The following DNM1 variants were observed in gnomAD, a reference collection of about 807,000 sequenced individuals.
DNM1 encodes the protein dynamin 1.
A neutral mutation model predicts 104.6 loss-of-function variants in DNM1; 29 were observed. The observed-to-expected ratio is 0.28, with a 90% CI of 0.21 to 0.38. The LOEUF (loss-of-function observed/expected upper bound fraction) is 0.38. DNM1 is among the 10% of genes least tolerant of loss of function. The pLI, the probability that DNM1 is intolerant of heterozygous loss-of-function variation, is 1.00. For missense variants in DNM1, 640 were observed against 1,189.4 expected (o/e 0.54, Z 6.79); for synonymous variants, 445 against 475.8 (o/e 0.94, Z 0.84).
rs193247285 is a variant in DNM1 at position 128,222,637 on chromosome 9, C to A, written c.1128+41C>A. 6.2e-7 allele frequency: 1 copy of A among 1,611,218 alleles called. No homozygotes were observed. Among genetic ancestry groups the A allele is most frequent in the Non-Finnish European group, 8.5e-7 (1 of 1,177,950 alleles). ...CTGGGGACAGGATGGCTCAGGACTC[C>A]CCCCACCCTCACTCAGGACTCTCTC... is the stretch of plus-strand genomic sequence containing the variant. On this transcript the variant is annotated intron_variant, in intron 8 of 21. Transcript: ENST00000372923. This position sits in a 1 kb window ranked among gnomAD's most constrained non-coding sequence, Gnocchi z 7.8.
In DNM1 at chr9:128,222,623, A is replaced by G; in HGVS notation, c.1128+27A>G. The G allele has an allele frequency of 6.2e-7, 1 of 1,613,392 alleles. No individual in the cohort carries two copies. The highest frequency in any genetic ancestry group is 8.5e-7 in the Non-Finnish European group (1 of 1,179,620). ...TAGGTCAGGCAGCCCTGGGGACAGG[A>G]TGGCTCAGGACTCCCCCCACCCTCA... On this transcript the variant is annotated intron_variant, in intron 8 of 21. Transcript: ENST00000372923. The surrounding 1 kb of genome is among the most constrained non-coding windows in gnomAD (Gnocchi z 7.8).
intron 1 of DNM1, among the ~76,000 whole-genome samples, chr9:128,211,214 G>A (rs950815715): frequency 1.3e-5 from 2 of 151,896 alleles, no homozygotes; most frequent in African/African-American, 4.8e-5. Flanking sequence ...TCCATTCCCC[G>A]CCCGACAGCA....
intron 15 of DNM1, chr9:128,244,690 G>C (rs1322650908): frequency 3.9e-6 from 2 of 516,948 alleles, no homozygotes; most frequent in South Asian, 2.9e-5. Flanking sequence ...TGGCAGGCAG[G>C]GGTCGGTCCA....
chr9:128,209,369 C>A (rs1443685555), intron 1 of DNM1, among the ~76,000 whole-genome samples: 1 of 152,018 alleles, frequency 6.6e-6, no homozygotes, highest in Non-Finnish European at 1.5e-5. Flanking sequence ...GAGGGTCGGA[C>A]CCAGGGAAGG....
In DNM1 at chr9:128,203,394, C is replaced by T; in HGVS notation, c.-77C>T. 2.3e-6 allele frequency: 3 copies of T among 1,306,594 alleles called. No individual in the cohort carries two copies. The highest frequency in any genetic ancestry group is 2.9e-6 in the Non-Finnish European group (3 of 1,024,388). 80.9% of individuals were successfully genotyped at this position (1,306,594 alleles called of 1,614,324 possible). On this transcript the variant is annotated 5_prime_UTR_variant, in exon 1 of 22. Coordinates refer to ENST00000372923, the MANE Select transcript of DNM1 (RefSeq NM_004408.4). This position sits in a 1 kb window ranked among gnomAD's most constrained non-coding sequence, Gnocchi z 5.3. ...CGGCGCAGGCAGTCTGGGCGCGCGG[C>T]TGCAGCGGCGGAGCCGGAGTCGGAG...
rs1024628983 is a variant in DNM1 at position 128,247,721 on chromosome 9, C to T, written c.1894-203C>T. Among the ~76,000 whole-genome samples, 2 of 152,208 alleles carry T rather than the reference C, an allele frequency of 1.3e-5. No individual in the cohort carries two copies. The highest frequency in any genetic ancestry group is 4.8e-5 in the African/African-American group (2 of 41,444). ...TCTCTGTTGCAGATGGCATTTCCTC[C>T]ATCCCCTTTCTATGATGGTAGTTTC... On this transcript the variant is annotated intron_variant, in intron 17 of 21. Coordinates refer to ENST00000372923, the MANE Select transcript of DNM1 (RefSeq NM_004408.4). The surrounding 1 kb of genome is among the most constrained non-coding windows in gnomAD (Gnocchi z 5.1).
chr9:128,233,928 C>A, intron 10 of DNM1, 93 bp from the exon 11 acceptor site: 1 of 1,163,008 alleles, frequency 8.6e-7, no homozygotes, highest in Admixed American at 2.0e-5. Context: ...TGCCTCCCAC[C>A]CTGCGCCGCG....
rs1829705427 is a variant in DNM1, at chr9:128,254,144, C to A, written c.2535-510C>A. Reference sequence around the variant, plus strand: ...TCCCCCAGGGTCCCTTCAGAGGGTCCTGGGTTTTCTGAACACCCAGAGGGG... The same window carrying A: ...TCCCCCAGGGTCCCTTCAGAGGGTCATGGGTTTTCTGAACACCCAGAGGGG... On this transcript the variant is annotated intron_variant, in intron 21 of 21. Coordinates refer to ENST00000372923, the MANE Select transcript of DNM1 (RefSeq NM_004408.4). This position sits in a 1 kb window ranked among gnomAD's most constrained non-coding sequence, Gnocchi z 6.1. The A allele has an allele frequency of 1.5e-6, 2 of 1,297,588 alleles. No individual in the cohort carries two copies. Among genetic ancestry groups the A allele is most frequent in the African/African-American group, 3.1e-5 (2 of 64,754 alleles). 80.4% of individuals were successfully genotyped at this position (1,297,588 alleles called of 1,614,324 possible).
At chr9:128,236,398 T>G (rs142466453) in intron 11 of DNM1, among the ~76,000 whole-genome samples, 2 of 152,344 alleles carry the variant, frequency 1.3e-5, no homozygotes, top group Non-Finnish European at 2.9e-5. Flanking sequence ...TTTTTGTTGT[T>G]GATGTCATAT....
intron 4 of DNM1, among the ~76,000 whole-genome samples, chr9:128,219,782 C>T (rs1389624589): frequency 6.6e-6 from 1 of 152,076 alleles, no homozygotes; most frequent in Admixed American, 6.6e-5. Context: ...GGCAACAAAG[C>T]GAGATCCCAT....
At chr9:128,239,345 C>T in intron 11 of DNM1, 100 bp from the exon 12 acceptor site, 1 of 835,902 alleles carries the variant, frequency 1.2e-6, no homozygotes, top group African/African-American at 1.7e-5. Context: ...GGATACTAAC[C>T]TCCTATATGT....
At chr9:128,237,636 C>T (rs1203850167) in intron 11 of DNM1, among the ~76,000 whole-genome samples, 1 of 152,170 alleles carries the variant, frequency 6.6e-6, no homozygotes, top group Non-Finnish European at 1.5e-5. Flanking sequence ...CTATTTCACC[C>T]TCAGATGGCC....
chr9:128,243,410 G>A lies in DNM1; in HGVS notation c.1671+1065G>A, dbSNP rs767035107. 1.3e-5 allele frequency among the ~76,000 whole-genome samples: 2 copies of A among 152,144 alleles called. No homozygotes were observed. The highest frequency in any genetic ancestry group is 4.8e-5 in the African/African-American group (2 of 41,426). ...TCAACGGGGGAGCGGGGCTCTGGGT[G>A]GGGCCTGTGATTTTGGCCTCCAAGC... On this transcript the variant is annotated intron_variant, in intron 15 of 21. Transcript: ENST00000372923. The surrounding 1 kb of genome is among the most constrained non-coding windows in gnomAD (Gnocchi z 4.0).
intron 1 of DNM1, among the ~76,000 whole-genome samples, chr9:128,205,794 G>T (rs1048229359): frequency 6.6e-6 from 1 of 152,186 alleles, no homozygotes; most frequent in Non-Finnish European, 1.5e-5. Flanking sequence ...AGCCCATGAC[G>T]CAGGGGCCAT....
chr9:128,203,498 A>G lies in DNM1; in HGVS notation c.28A>G (p.Ile10Val). The G allele has an allele frequency of 6.5e-7, 1 of 1,531,516 alleles. No individual in the cohort carries two copies. Among genetic ancestry groups the G allele is most frequent in the Non-Finnish European group, 8.8e-7 (1 of 1,142,300 alleles). 94.9% of individuals were successfully genotyped at this position (1,531,516 alleles called of 1,614,324 possible). ...GGGCAACCGCGGCATGGAAGATCTC[A>G]TCCCGCTGGTCAACCGGCTGCAAGA... is the stretch of plus-strand genomic sequence containing the variant. MGNRGMEDLIPLVNRLQDAF... is the reference protein window; with the variant it reads MGNRGMEDLVPLVNRLQDAF... The change falls in exon 1 of 22, where the codon ATC becomes GTC. Residue 10 changes from isoleucine (I) to valine (V), a missense_variant. By Grantham distance (29) the Ile-to-Val change is conservative. This residue lies in a region of DNM1 where 172 missense variants were observed against 335.3 expected (regional missense o/e 0.51). Transcript: ENST00000372923. The surrounding 1 kb of genome is among the most constrained non-coding windows in gnomAD (Gnocchi z 5.3).
intron 1 of DNM1, among the ~76,000 whole-genome samples, chr9:128,208,256 C>T (rs1834091722): frequency 6.6e-6 from 1 of 152,050 alleles, no homozygotes; most frequent in Non-Finnish European, 1.5e-5. Flanking sequence ...GATGGAGTTT[C>T]ATCATGTTGT....
chr9:128,221,507 G>A (rs1437797231), intron 6 of DNM1, among the ~76,000 whole-genome samples: 3 of 152,208 alleles, frequency 2.0e-5, no homozygotes, highest in Non-Finnish European at 4.4e-5. Context: ...GTGAGCATGA[G>A]TGCTAGAACT....
rs1836958188 is a variant in DNM1, at chr9:128,248,388, C to T, written c.1906-195C>T. On this transcript the variant is annotated intron_variant, in intron 18 of 21. Transcript: ENST00000372923. This position sits in a 1 kb window ranked among gnomAD's most constrained non-coding sequence, Gnocchi z 5.6. Reference sequence around the variant, plus strand: ...CAAATTCTAGGCACTAGAGTCAGAACCAAGACAAGGCTGAATCAGGGGAGT... The same window carrying T: ...CAAATTCTAGGCACTAGAGTCAGAATCAAGACAAGGCTGAATCAGGGGAGT... 10 of 587,110 alleles carry T rather than the reference C, an allele frequency of 1.7e-5. No homozygotes were observed. The highest frequency in any genetic ancestry group is 3.1e-5 in the Admixed American group (1 of 32,422). 36.4% of individuals were successfully genotyped at this position (587,110 alleles called of 1,614,324 possible). A position where few individuals can be genotyped will look rare whatever the true frequency, so the allele number is the denominator to read the frequency against.
At position 128,220,720 on chromosome 9, in the gene DNM1, A is replaced by G. The variant is rs2131160035; in HGVS notation, c.849+379A>G. Among the ~76,000 whole-genome samples, 1 of 109,060 alleles carries G rather than the reference A, an allele frequency of 9.2e-6. No individual in the cohort carries two copies. The highest frequency in any genetic ancestry group is 3.7e-4 in the South Asian group (1 of 2,678). The allele number at this position is 109,060 out of a possible 152,430, so 71.5% of individuals were successfully genotyped here. ...TCTCCATCTGGAATGGGGCATCCAG[A>G]ACTGAAGTGCGCGCGCGCGCGCGTG... On this transcript the variant is annotated intron_variant, in intron 6 of 21. Coordinates refer to ENST00000372923, the MANE Select transcript of DNM1 (RefSeq NM_004408.4). The surrounding 1 kb of genome is among the most constrained non-coding windows in gnomAD (Gnocchi z 5.2).
Sources: allele counts gnomAD v4.1 joint callset (sites outside exome capture counted in the v4.1 genomes callset), GRCh38; gene constraint gnomAD v4.1.1; regional missense constraint gnomAD v4.1.1; non-coding constraint Gnocchi (gnomAD v3.1); transcripts MANE v1.5; gene names NCBI Gene and HGNC (gene_info 2026-07-23, HGNC 2026-07-21).